The following GRIK1 variants were observed in gnomAD, a reference collection of about 807,000 sequenced individuals.
GRIK1 encodes glutamate receptor ionotropic, kainate 1.
Under a neutral mutation model 105.7 loss-of-function variants are expected in GRIK1, and 69 were observed. That is an observed-to-expected ratio of 0.65 (90% confidence interval 0.54 to 0.80). GRIK1 has a LOEUF of 0.80. GRIK1 is among the 30% of genes least tolerant of loss of function. The pLI, the probability that GRIK1 is intolerant of heterozygous loss-of-function variation, is 0.00. For missense variants in GRIK1, 1,109 were observed against 1,167.3 expected, an observed-to-expected ratio of 0.95 and a Z score of 0.73; for synonymous variants, 438 against 431.3, an observed-to-expected ratio of 1.02 and a Z score of -0.19.
chr21:29,815,846 A>G (rs907118827), intron 1 of GRIK1, among the ~76,000 whole-genome samples: 2 of 152,126 alleles, frequency 1.3e-5, no homozygotes, highest in Non-Finnish European at 2.9e-5. Flanking sequence ...CTATAAAACT[A>G]CTAGAAGAAA....
intron 1 of GRIK1, among the ~76,000 whole-genome samples, chr21:29,788,477 G>A (rs1242148749): frequency 1.3e-5 from 2 of 152,156 alleles, no homozygotes; most frequent in African/African-American, 2.4e-5. Context: ...GTGGGTGGAA[G>A]TCAGATCACA....
At chr21:29,603,301 C>CT (rs2061552594) in intron 7 of GRIK1, among the ~76,000 whole-genome samples, 1 of 151,694 alleles carries the variant, frequency 6.6e-6, no homozygotes, top group Admixed American at 6.6e-5. Context: ...TCTAAGCTGT[C>CT]TCGATGGCAA....
chr21:29,755,628 T>A (rs1286680773), intron 1 of GRIK1, among the ~76,000 whole-genome samples: 1 of 151,928 alleles, frequency 6.6e-6, no homozygotes, highest in Non-Finnish European at 1.5e-5. Context: ...CATGGAGAGA[T>A]GGGAGGCAGG....
chr21:29,870,531 A>G (rs2068971899), intron 1 of GRIK1, among the ~76,000 whole-genome samples: 1 of 151,378 alleles, frequency 6.6e-6, no homozygotes, highest in Admixed American at 6.6e-5. Flanking sequence ...TACATATAAC[A>G]TATTTTATTA....
chr21:29,817,126 A>T (rs2067175160), intron 1 of GRIK1, among the ~76,000 whole-genome samples: 1 of 152,118 alleles, frequency 6.6e-6, no homozygotes, highest in Non-Finnish European at 1.5e-5. Context: ...GAAATGCTCA[A>T]AGAAGAATGG....
At chr21:29,560,562 T>TC (rs2090446941) in intron 15 of GRIK1, among the ~76,000 whole-genome samples, 4 of 119,570 alleles carry the variant, frequency 3.3e-5, no homozygotes, top group African/African-American at 1.7e-4. Context: ...CTTTCTTTCT[T>TC]TCTTTCTTTC....
intron 1 of GRIK1, among the ~76,000 whole-genome samples, chr21:29,800,449 A>T (rs1238963385): frequency 6.6e-6 from 1 of 152,228 alleles, no homozygotes; most frequent in Non-Finnish European, 1.5e-5. Flanking sequence ...AGTCAGCATT[A>T]TTGTATTCAC....
At chr21:29,789,212 T>G (rs2145812597) in intron 1 of GRIK1, among the ~76,000 whole-genome samples, 1 of 152,352 alleles carries the variant, frequency 6.6e-6, no homozygotes, top group East Asian at 1.9e-4. Context: ...GGGTTGGGAA[T>G]GACTTCCTTG....
chr21:29,824,010 C>T (rs1039376976), intron 1 of GRIK1, among the ~76,000 whole-genome samples: 3 of 151,864 alleles, frequency 2.0e-5, no homozygotes, highest in African/African-American at 7.3e-5. Flanking sequence ...CTGTGGAGAA[C>T]AGATATAATG....
intron 1 of GRIK1, among the ~76,000 whole-genome samples, chr21:29,740,684 A>C (rs554534257): frequency 6.6e-6 from 1 of 152,340 alleles, no homozygotes; most frequent in African/African-American, 2.4e-5. Context: ...GAGTATCTTT[A>C]ACAATCTATT....
intron 1 of GRIK1, among the ~76,000 whole-genome samples, chr21:29,929,903 C>G (rs965199197): frequency 2.0e-5 from 3 of 152,156 alleles, no homozygotes; most frequent in Non-Finnish European, 4.4e-5. Context: ...AGCCAAGATG[C>G]AGAGTCAACC....
chr21:29,647,209 G>A lies in GRIK1; in HGVS notation c.954+3909C>T, dbSNP rs555814867. 2.6e-5 allele frequency among the ~76,000 whole-genome samples: 4 copies of A among 152,280 alleles called. No homozygotes were observed. The South Asian group carries it at 8.3e-4, about 32-fold the overall frequency. On this transcript the variant is annotated intron_variant, in intron 6 of 17. Transcript: ENST00000327783. ...TATCATCAAGTAAATTCAATTCTATGTACTAGAGGTTTTGCATATGTGATC... is the reference window on the plus strand; with the variant it reads ...TATCATCAAGTAAATTCAATTCTATATACTAGAGGTTTTGCATATGTGATC...
rs1601940544 is a variant in GRIK1 at position 29,884,939 on chromosome 21, A to G, written c.118+54444T>C. 3.9e-5 allele frequency among the ~76,000 whole-genome samples: 6 copies of G among 152,056 alleles called. No individual in the cohort carries two copies. The East Asian group carries it at 1.2e-3, about 29-fold the overall frequency. ...ACAGATACTGGTTCACTTGGTGACG[A>G]TGTTGCTCAAAACTGTTCCATAAAA... is the stretch of plus-strand genomic sequence containing the variant. On this transcript the variant is annotated intron_variant, in intron 1 of 17. Coordinates refer to ENST00000327783, the MANE Select transcript of GRIK1 (RefSeq NM_001330994.2).
At chr21:29,615,128 A>C (rs2061818958) in intron 7 of GRIK1, among the ~76,000 whole-genome samples, 1 of 151,584 alleles carries the variant, frequency 6.6e-6, no homozygotes, top group African/African-American at 2.4e-5. Flanking sequence ...TGGAATGCAT[A>C]GTTTTTTTCT....
rs190128215 is a variant in GRIK1 at position 29,589,983 on chromosome 21, C to T, written c.1366-941G>A. ...CTCAAATCTCACATCTGGTCATTCT[C>T]TGCTTATATACGTGCATCATCAGTC... is the stretch of plus-strand genomic sequence containing the variant. On this transcript the variant is annotated intron_variant, in intron 10 of 17. Transcript: ENST00000327783. 4.9e-4 allele frequency among the ~76,000 whole-genome samples: 74 copies of T among 152,224 alleles called. 1 individual carries two copies. In the South Asian group the frequency reaches 0.015, roughly 30 times the overall value.
chr21:29,840,900 T>G (rs560629823), intron 1 of GRIK1, among the ~76,000 whole-genome samples: 1 of 151,942 alleles, frequency 6.6e-6, no homozygotes, highest in Non-Finnish European at 1.5e-5. Flanking sequence ...AACATAAACA[T>G]GGAGCCAAAA....
At chr21:29,731,351 G>A (rs144326915) in intron 1 of GRIK1, among the ~76,000 whole-genome samples, 140 of 152,286 alleles carry the variant, frequency 9.2e-4, no homozygotes, top group African/African-American at 3.3e-3. Context: ...CATAACCTTA[G>A]CTCTTGAGCA....
chr21:29,748,675 T>C (rs576163410), intron 1 of GRIK1, among the ~76,000 whole-genome samples: 1 of 152,370 alleles, frequency 6.6e-6, no homozygotes, highest in Non-Finnish European at 1.5e-5. Flanking sequence ...TGAGATTGTG[T>C]GTTCTGGGCC....
Position 29,939,414 on chromosome 21 carries a change from G to A in GRIK1, c.87C>T (p.Leu29=), listed in dbSNP as rs758415950. ...WALLYFLCYI[L]PQTAPQVLRI... is the part of the protein sequence containing the mutation. ...TGAGTACTTGCGGGGCGGTCTGAGG[G>A]AGGATATAGCAGAGGAAATAGAGGA... The change falls in exon 1 of 18, where the codon CTC becomes CTT. Residue 29 remains leucine (L), a synonymous_variant. Coordinates refer to ENST00000327783, the MANE Select transcript of GRIK1 (RefSeq NM_001330994.2). The A allele has an allele frequency of 6.4e-7, 1 of 1,571,522 alleles. No homozygotes were observed. Among genetic ancestry groups the A allele is most frequent in the African/African-American group, 1.4e-5 (1 of 73,784 alleles).
Sources: allele counts gnomAD v4.1 joint callset (sites outside exome capture counted in the v4.1 genomes callset), GRCh38; gene constraint gnomAD v4.1.1; transcripts MANE v1.5; gene names NCBI Gene and HGNC (gene_info 2026-07-23, HGNC 2026-07-21).